The following GRM1 variants were observed in gnomAD, a reference collection of about 807,000 sequenced individuals.
The protein encoded by GRM1 is glutamate metabotropic receptor 1, also known as metabotropic glutamate receptor 1.
GRM1 carries 33 observed loss-of-function variants against 90.9 expected under a neutral mutation model. The observed-to-expected ratio is 0.36, with a 90% CI of 0.28 to 0.49. The LOEUF (loss-of-function observed/expected upper bound fraction) is 0.49, where lower values mean the gene tolerates loss of function less well. Ranked by LOEUF, GRM1 falls within the 20% of genes least tolerant of loss-of-function variation. The pLI is 0.99. For synonymous variants in GRM1, 700 were observed against 613.2 expected (o/e 1.14, Z -2.09); for missense variants, 1,190 against 1,534.3 (o/e 0.78, Z 3.75).
intron 3 of GRM1, among the ~76,000 whole-genome samples, chr6:146,348,326 A>G (rs1425225548): frequency 2.0e-5 from 3 of 152,258 alleles, no homozygotes; most frequent in Non-Finnish European, 4.4e-5. Context: ...ATAGATCCTT[A>G]CAACATTATC....
intron 3 of GRM1, among the ~76,000 whole-genome samples, chr6:146,324,619 G>A (rs906044047): frequency 3.9e-5 from 6 of 152,148 alleles, no homozygotes; most frequent in African/African-American, 1.2e-4. Flanking sequence ...TAGTACCTGG[G>A]CGGGAGTGCA....
intron 1 of GRM1, among the ~76,000 whole-genome samples, chr6:146,111,292 A>G (rs144494996): frequency 5.0e-4 from 76 of 152,304 alleles, no homozygotes; most frequent in African/African-American, 1.8e-3. Flanking sequence ...ACTGTTACCT[A>G]CCAGCTTTCA....
At chr6:146,331,820 T>C (rs975000853) in intron 3 of GRM1, among the ~76,000 whole-genome samples, 2 of 152,152 alleles carry the variant, frequency 1.3e-5, no homozygotes, top group Non-Finnish European at 2.9e-5. Context: ...TTTGAGCTTG[T>C]GTTAAGTAGC....
intron 2 of GRM1, among the ~76,000 whole-genome samples, chr6:146,195,775 A>G (rs1317353193): frequency 6.6e-6 from 1 of 152,218 alleles, no homozygotes; most frequent in Non-Finnish European, 1.5e-5. Context: ...TAGAGAGGGA[A>G]TAAACATGGA....
At chr6:146,082,545 C>G (rs1166900977) in intron 1 of GRM1, among the ~76,000 whole-genome samples, 1 of 152,106 alleles carries the variant, frequency 6.6e-6, no homozygotes, top group Non-Finnish European at 1.5e-5. Flanking sequence ...ATGTCATTAT[C>G]TTTAACCCCT....
intron 3 of GRM1, among the ~76,000 whole-genome samples, chr6:146,329,546 G>C (rs1481476099): frequency 6.6e-6 from 1 of 152,154 alleles, no homozygotes; most frequent in African/African-American, 2.4e-5. Flanking sequence ...AGTGGCCAAA[G>C]ATGTATAGAT....
chr6:146,092,121 G>A (rs1181390874), intron 1 of GRM1, among the ~76,000 whole-genome samples: 1 of 152,092 alleles, frequency 6.6e-6, no homozygotes, highest in Non-Finnish European at 1.5e-5. Context: ...ACATTTATTT[G>A]TCATAGTTTT....
intron 2 of GRM1, among the ~76,000 whole-genome samples, chr6:146,233,031 A>G (rs1280861615): frequency 6.6e-6 from 1 of 151,954 alleles, no homozygotes; most frequent in Admixed American, 6.6e-5. Context: ...ATGGGGTCAC[A>G]TATTTACCAA....
chr6:146,379,125 T>C (rs1776220086), intron 5 of GRM1, among the ~76,000 whole-genome samples: 1 of 152,190 alleles, frequency 6.6e-6, no homozygotes. Flanking sequence ...TACTCTATAT[T>C]TGGGAAGTTC....
intron 2 of GRM1, among the ~76,000 whole-genome samples, chr6:146,224,162 C>A (rs191360023): frequency 1.7e-3 from 263 of 152,174 alleles, no homozygotes; most frequent in African/African-American, 5.9e-3. Context: ...AATATTGAAT[C>A]ATCTAATTAC....
chr6:146,358,154 C>T (rs1785660115), intron 5 of GRM1, among the ~76,000 whole-genome samples: 3 of 152,192 alleles, frequency 2.0e-5, no homozygotes, highest in Admixed American at 6.5e-5. Context: ...TCTACCTAGT[C>T]CTTTGATTCT....
chr6:146,150,929 CGTGT>C (rs373590779), intron 1 of GRM1, among the ~76,000 whole-genome samples: 25,878 of 110,746 alleles, frequency 0.23, 5,216 homozygotes, highest in African/African-American at 0.54. Flanking sequence ...CACACACACG[CGTGT>C]GCGCGCACAC....
intron 2 of GRM1, among the ~76,000 whole-genome samples, chr6:146,243,785 A>G (rs1228956495): frequency 1.3e-5 from 2 of 152,100 alleles, no homozygotes; most frequent in African/African-American, 4.8e-5. Flanking sequence ...ATTAGGTGGG[A>G]ATGTCCTCAT....
At chr6:146,213,165 T>C (rs915736041) in intron 2 of GRM1, among the ~76,000 whole-genome samples, 1 of 151,720 alleles carries the variant, frequency 6.6e-6, no homozygotes, top group Non-Finnish European at 1.5e-5. Context: ...CAGGAGGGAA[T>C]GGAAAGGGCA....
chr6:146,189,975 A>G (rs536070693), intron 2 of GRM1, among the ~76,000 whole-genome samples: 241 of 152,338 alleles, frequency 1.6e-3, no homozygotes, highest in Non-Finnish European at 2.5e-3. Context: ...TTGCTTTGGC[A>G]ACTCAAAGAT....
intron 3 of GRM1, among the ~76,000 whole-genome samples, chr6:146,308,928 A>G (rs1291402462): frequency 6.6e-6 from 1 of 152,156 alleles, no homozygotes; most frequent in Non-Finnish European, 1.5e-5. Context: ...CACATAAGCT[A>G]TAATTTAGGC....
intron 1 of GRM1, among the ~76,000 whole-genome samples, chr6:146,105,256 G>T (rs753085029): frequency 6.6e-6 from 1 of 152,158 alleles, no homozygotes; most frequent in Non-Finnish European, 1.5e-5. Flanking sequence ...ATCCAGAAAT[G>T]TGAATTATTT....
At chr6:146,271,389 G>C (rs1226434873) in intron 2 of GRM1, among the ~76,000 whole-genome samples, 1 of 152,094 alleles carries the variant, frequency 6.6e-6, no homozygotes, top group African/African-American at 2.4e-5. Flanking sequence ...GAACCAGACT[G>C]TAATGAGGTA....
At chr6:146,132,800 G>C (rs574503525) in intron 1 of GRM1, among the ~76,000 whole-genome samples, 5 of 152,264 alleles carry the variant, frequency 3.3e-5, no homozygotes, top group Admixed American at 6.5e-5. Flanking sequence ...TCAGCACCCT[G>C]TACACAGCTA....
Sources: gnomAD v4.1 joint callset for allele counts (sites outside exome capture counted in the v4.1 genomes callset) on GRCh38, gnomAD v4.1.1 for gene constraint, MANE v1.5 for transcripts, NCBI Gene and HGNC (gene_info 2026-07-23, HGNC 2026-07-21) for gene names.